Variants in TMEM117 observed in about 807,000 individuals in gnomAD.
The protein encoded by TMEM117 is transmembrane protein 117.
In TMEM117, 27 loss-of-function variants were observed where a neutral mutation model predicts 52.4. The ratio of observed to expected loss-of-function variants is 0.51; its 90% CI spans 0.38 to 0.71. TMEM117 has a LOEUF of 0.71. TMEM117 is among the 30% of genes least tolerant of loss of function. The pLI is 0.00. For synonymous variants in TMEM117, 215 were observed against 206.3 expected (o/e 1.04, Z -0.36); for missense variants, 556 against 630.5 (o/e 0.88, Z 1.26).
intron 6 of TMEM117, among the ~76,000 whole-genome samples, chr12:44,331,802 G>A (rs893501904): frequency 2.0e-5 from 3 of 152,056 alleles, no homozygotes; most frequent in Middle Eastern, 3.4e-3. Flanking sequence ...CCTGGAGACC[G>A]AATCCATGCC....
At chr12:43,978,270 A>G (rs1264314222) in intron 3 of TMEM117, among the ~76,000 whole-genome samples, 1 of 152,168 alleles carries the variant, frequency 6.6e-6, no homozygotes, top group Non-Finnish European at 1.5e-5. Context: ...TAGGACGTGT[A>G]TGTTGATCCA....
chr12:44,191,818 T>G (rs1222645961), intron 4 of TMEM117, among the ~76,000 whole-genome samples: 2 of 152,158 alleles, frequency 1.3e-5, no homozygotes, highest in African/African-American at 2.4e-5. Context: ...GAATATTGTT[T>G]TAAATTGAAT....
intron 3 of TMEM117, among the ~76,000 whole-genome samples, chr12:44,041,732 G>A (rs1368094822): frequency 1.3e-5 from 2 of 152,092 alleles, no homozygotes; most frequent in Non-Finnish European, 2.9e-5. Flanking sequence ...AAAAATATTA[G>A]CAAATCGAGT....
chr12:44,149,154 T>C (rs1340015139), intron 4 of TMEM117, among the ~76,000 whole-genome samples: 1 of 152,218 alleles, frequency 6.6e-6, no homozygotes, highest in Non-Finnish European at 1.5e-5. Flanking sequence ...GATTGAGCTC[T>C]GCAGATCCTG....
chr12:43,923,573 A>G (rs143500021), intron 2 of TMEM117, among the ~76,000 whole-genome samples: 139 of 152,310 alleles, frequency 9.1e-4, no homozygotes, highest in African/African-American at 3.2e-3. Flanking sequence ...ACTAATGGAT[A>G]ACTATTTCTA....
At chr12:43,981,981 A>G (rs1005436862) in intron 3 of TMEM117, among the ~76,000 whole-genome samples, 1 of 152,232 alleles carries the variant, frequency 6.6e-6, no homozygotes, top group South Asian at 2.1e-4. Flanking sequence ...GGTATTGTAT[A>G]TTACACAATA....
At chr12:44,271,892 A>G (rs183560750) in intron 5 of TMEM117, among the ~76,000 whole-genome samples, 1 of 152,234 alleles carries the variant, frequency 6.6e-6, no homozygotes, top group East Asian at 1.9e-4. Flanking sequence ...TCAATAGCAC[A>G]AAAACAAATA....
At chr12:43,973,624 G>T (rs981712290) in intron 3 of TMEM117, among the ~76,000 whole-genome samples, 2 of 152,220 alleles carry the variant, frequency 1.3e-5, no homozygotes, top group Admixed American at 6.5e-5. Flanking sequence ...GCATTTGGTT[G>T]AAAGTGTGAG....
intron 3 of TMEM117, among the ~76,000 whole-genome samples, chr12:44,028,958 A>G (rs748850609): frequency 2.0e-5 from 3 of 152,178 alleles, no homozygotes; most frequent in Non-Finnish European, 4.4e-5. Flanking sequence ...GGTGGGGTCC[A>G]GTAACTTCTT....
chr12:43,818,365 C>T, the TMEM117 span, among the ~76,000 whole-genome samples: 1 of 151,768 alleles, frequency 6.6e-6, no homozygotes, highest in African/African-American at 2.4e-5. Flanking sequence ...CTGCTCCCCC[C>T]ACTCCCACAC....
chr12:44,074,664 A>G lies in TMEM117; in HGVS notation c.411-68861A>G, dbSNP rs575428827. ...GTCTGACTTGGGACTTTATCATGAT[A>G]CAAATGTATATATATCATATACATT... is the stretch of plus-strand genomic sequence containing the variant. On this transcript the variant is annotated intron_variant, in intron 3 of 7. Coordinates refer to ENST00000266534, the MANE Select transcript of TMEM117 (RefSeq NM_032256.3). Among the ~76,000 whole-genome samples the G allele has an allele frequency of 1.7e-4, 26 of 152,288 alleles. 1 individual carries two copies. Among genetic ancestry groups the G allele is most frequent in the Admixed American group, 1.4e-3 (22 of 15,290 alleles).
intron 2 of TMEM117, among the ~76,000 whole-genome samples, chr12:43,867,899 A>G (rs1445650047): frequency 6.6e-6 from 1 of 152,234 alleles, no homozygotes; most frequent in Non-Finnish European, 1.5e-5. Flanking sequence ...AATATAGACA[A>G]TTCTAGCACA....
At chr12:43,819,699 C>T in the TMEM117 span, among the ~76,000 whole-genome samples, 1 of 152,058 alleles carries the variant, frequency 6.6e-6, no homozygotes, top group Non-Finnish European at 1.5e-5. Context: ...TCGCATGAAC[C>T]CAGGAGGCGG....
chr12:43,935,420 T>A (rs1219516184), intron 2 of TMEM117, among the ~76,000 whole-genome samples: 1 of 152,212 alleles, frequency 6.6e-6, no homozygotes, highest in Non-Finnish European at 1.5e-5. Flanking sequence ...GAAATAGGGA[T>A]TACATTTCTT....
the TMEM117 span, among the ~76,000 whole-genome samples, chr12:43,825,775 C>T: frequency 6.6e-6 from 1 of 152,160 alleles, no homozygotes; most frequent in Non-Finnish European, 1.5e-5. Flanking sequence ...TCAAGAGATT[C>T]TGGTTTAGTA....
intron 6 of TMEM117, among the ~76,000 whole-genome samples, chr12:44,300,905 G>T (rs1361110393): frequency 6.6e-6 from 1 of 152,190 alleles, no homozygotes; most frequent in African/African-American, 2.4e-5. Flanking sequence ...TAAGCTGTAG[G>T]ACGTCCCATG....
intron 5 of TMEM117, among the ~76,000 whole-genome samples, chr12:44,213,737 T>C (rs1015954381): frequency 6.6e-6 from 1 of 152,222 alleles, no homozygotes. Context: ...CACTTCTCTC[T>C]CCTGCTGCCA....
chr12:44,119,711 C>T (rs1384435662), intron 3 of TMEM117, among the ~76,000 whole-genome samples: 20 of 152,112 alleles, frequency 1.3e-4, no homozygotes, highest in Non-Finnish European at 2.9e-4. Context: ...CCCAGTCTGA[C>T]CGTGTGTTAG....
chr12:43,885,416 T>TTC (rs1435528560), intron 2 of TMEM117, among the ~76,000 whole-genome samples: 3 of 139,662 alleles, frequency 2.1e-5, no homozygotes, highest in Non-Finnish European at 3.1e-5. Context: ...TTTCTTTTCT[T>TTC]TTCTTTTTTT....
Sources: gnomAD v4.1 joint callset for allele counts (sites outside exome capture counted in the v4.1 genomes callset) on GRCh38, gnomAD v4.1.1 for gene constraint, MANE v1.5 for transcripts, NCBI Gene and HGNC (gene_info 2026-07-23, HGNC 2026-07-21) for gene names.